The following GHR variants were observed in gnomAD, a reference collection of about 807,000 sequenced individuals.
GHR encodes GH receptor.
In GHR, 35 loss-of-function variants were observed where a neutral mutation model predicts 67.1. The ratio of observed to expected loss-of-function variants is 0.52; its 90% CI spans 0.40 to 0.69. The LOEUF is 0.69. Among genes scored for constraint, GHR ranks in the 30% least tolerant of loss-of-function variants. GHR has a pLI of 0.00. For missense variants in GHR, 792 were observed against 764.6 expected, an observed-to-expected ratio of 1.04 and a Z score of -0.42; for synonymous variants, 272 against 269.1, an observed-to-expected ratio of 1.01 and a Z score of -0.10.
intron 1 of GHR, among the ~76,000 whole-genome samples, chr5:42,450,807 TC>T (rs1744018351): frequency 6.6e-6 from 1 of 152,162 alleles, no homozygotes; most frequent in African/African-American, 2.4e-5. Context: ...TTTTGTTGTA[TC>T]CCATAGGTTT....
intron 2 of GHR, among the ~76,000 whole-genome samples, chr5:42,580,858 T>G (rs917713857): frequency 6.6e-6 from 1 of 152,226 alleles, no homozygotes; most frequent in African/African-American, 2.4e-5. Flanking sequence ...AAAGAAGATT[T>G]TGAAGTTTAT....
At position 42,491,805 on chromosome 5, in the gene GHR, G is replaced by A. The variant is rs1008618439; in HGVS notation, c.-12+67850G>A. Among the ~76,000 whole-genome samples, 3 of 152,156 alleles carry A rather than the reference G, an allele frequency of 2.0e-5. No homozygotes were observed. In the East Asian group the frequency reaches 5.8e-4, roughly 29 times the overall value. On this transcript the variant is annotated intron_variant, in intron 1 of 9. Transcript: ENST00000230882. Reference sequence around the variant, plus strand: ...GGCCAGAGCTAAGGCAAGATTTGTGGGTGGGCCTTCACTAACCAGGCACAG... The same window carrying A: ...GGCCAGAGCTAAGGCAAGATTTGTGAGTGGGCCTTCACTAACCAGGCACAG...
intron 2 of GHR, among the ~76,000 whole-genome samples, chr5:42,614,200 T>C (rs1466737167): frequency 6.6e-6 from 1 of 152,114 alleles, no homozygotes; most frequent in South Asian, 2.1e-4. Flanking sequence ...CTATTTATTA[T>C]TAGTTTCAGA....
intron 1 of GHR, among the ~76,000 whole-genome samples, chr5:42,519,379 G>A (rs1747377773): frequency 2.0e-5 from 3 of 152,132 alleles, no homozygotes; most frequent in Non-Finnish European, 2.9e-5. Flanking sequence ...CATTTAAAGT[G>A]TTTAGAACTA....
chr5:42,570,734 T>G (rs1750249737), intron 2 of GHR, among the ~76,000 whole-genome samples: 1 of 152,184 alleles, frequency 6.6e-6, no homozygotes, highest in African/African-American at 2.4e-5. Context: ...GCTCACAGTC[T>G]TTAGAAGAGA....
intron 8 of GHR, among the ~76,000 whole-genome samples, chr5:42,716,455 A>C (rs538477942): frequency 1.5e-3 from 223 of 152,194 alleles, no homozygotes; most frequent in Non-Finnish European, 1.7e-3. Flanking sequence ...CAGCTACTCA[A>C]CTCTGCCACT....
intron 1 of GHR, among the ~76,000 whole-genome samples, chr5:42,431,784 C>A (rs1743106277): frequency 1.3e-5 from 2 of 152,110 alleles, no homozygotes; most frequent in Non-Finnish European, 2.9e-5. Flanking sequence ...AAAGGGGTAT[C>A]CTAGGGAAGA....
intron 2 of GHR, among the ~76,000 whole-genome samples, chr5:42,622,534 G>A (rs144587836): frequency 1.3e-5 from 2 of 152,238 alleles, no homozygotes; most frequent in Non-Finnish European, 2.9e-5. Flanking sequence ...GAGTGACCAG[G>A]GACTTAGAGA....
intron 1 of GHR, among the ~76,000 whole-genome samples, chr5:42,427,541 G>A (rs1206151193): frequency 6.6e-6 from 1 of 152,164 alleles, no homozygotes; most frequent in East Asian, 1.9e-4. Context: ...TTTGGGTGGA[G>A]ACAAAGCCAA....
chr5:42,688,922 C>T lies in GHR; in HGVS notation c.169C>T (p.Arg57Cys), dbSNP rs200503849. Residue 57 changes from arginine to cysteine, a missense_variant, in exon 4 of 10, where the codon CGT becomes TGT. Transcript: ENST00000230882. ...SSKEPKFTKC[R>C]SPERETFSCH... ...TAAGGAGCCTAAATTCACCAAGTGC[C>T]GTTCACCTGAGCGAGAGACTTTTTC... The T allele has an allele frequency of 1.2e-5, 19 of 1,613,506 alleles. No individual in the cohort carries two copies. The highest frequency in any genetic ancestry group is 2.2e-5 in the East Asian group (1 of 44,870).
intron 1 of GHR, among the ~76,000 whole-genome samples, chr5:42,546,190 C>T (rs546172937): frequency 6.6e-6 from 1 of 152,234 alleles, no homozygotes; most frequent in South Asian, 2.1e-4. Context: ...ATTACTCTTT[C>T]GATTGAGCCT....
At chr5:42,704,290 T>G (rs1758071167) in intron 6 of GHR, among the ~76,000 whole-genome samples, 1 of 151,836 alleles carries the variant, frequency 6.6e-6, no homozygotes, top group Non-Finnish European at 1.5e-5. Context: ...GACAAGTGCT[T>G]CTTCTGTATC....
chr5:42,562,882 C>T (rs1337731039), intron 1 of GHR, among the ~76,000 whole-genome samples: 3 of 152,070 alleles, frequency 2.0e-5, no homozygotes. Flanking sequence ...ATCTCCTGAC[C>T]TCACGATCTG....
intron 4 of GHR, among the ~76,000 whole-genome samples, chr5:42,692,785 C>T (rs542529779): frequency 6.6e-6 from 1 of 152,282 alleles, no homozygotes; most frequent in African/African-American, 2.4e-5. Flanking sequence ...ACCTGTTAAG[C>T]ACTAATCTAC....
chr5:42,458,412 AG>A (rs1440205039), intron 1 of GHR, among the ~76,000 whole-genome samples: 1 of 152,156 alleles, frequency 6.6e-6, no homozygotes, highest in Non-Finnish European at 1.5e-5. Flanking sequence ...GGGGCTGGGA[AG>A]CTAGCTAGCC....
rs375485680 is a variant in GHR, at chr5:42,611,526, G to T, written c.71-17512G>T. ...CCCCTTCCCATGGGCCAAGCCCTGT[G>T]CTTAGAACTGTATGTTAGGGGACAA... On this transcript the variant is annotated intron_variant, in intron 2 of 9. Coordinates refer to ENST00000230882, the MANE Select transcript of GHR (RefSeq NM_000163.5). 4.3e-4 allele frequency among the ~76,000 whole-genome samples: 65 copies of T among 152,276 alleles called. 2 individuals are homozygous for T. In the South Asian group the frequency reaches 0.012, roughly 27 times the overall value.
chr5:42,588,783 A>G (rs933727323), intron 2 of GHR, among the ~76,000 whole-genome samples: 3 of 152,128 alleles, frequency 2.0e-5, no homozygotes, highest in African/African-American at 7.2e-5. Context: ...AACCTTTATA[A>G]CAAAACAAAA....
chr5:42,556,482 T>C (rs1382040139), intron 1 of GHR, among the ~76,000 whole-genome samples: 1 of 152,156 alleles, frequency 6.6e-6, no homozygotes, highest in Non-Finnish European at 1.5e-5. Flanking sequence ...TGATCTATCA[T>C]AGTAATTTAA....
chr5:42,437,459 T>C (rs1743375790), intron 1 of GHR, among the ~76,000 whole-genome samples: 1 of 152,160 alleles, frequency 6.6e-6, no homozygotes, highest in Non-Finnish European at 1.5e-5. Context: ...GTGGTGTGCT[T>C]TCATGTTTTA....
Sources: gnomAD v4.1 joint callset for allele counts (sites outside exome capture counted in the v4.1 genomes callset) on GRCh38, gnomAD v4.1.1 for gene constraint, MANE v1.5 for transcripts, NCBI Gene and HGNC (gene_info 2026-07-23, HGNC 2026-07-21) for gene names.